The following ATP12A variants were observed in gnomAD, a reference collection of about 807,000 sequenced individuals.
ATP12A encodes potassium-transporting ATPase alpha chain 2.
ATP12A carries 81 observed loss-of-function variants against 111.2 expected under a neutral mutation model. That is an observed-to-expected ratio of 0.73 (90% CI 0.61 to 0.88). The LOEUF is 0.88. ATP12A is among the 40% of genes least tolerant of loss of function. ATP12A has a pLI of 0.00. For missense variants in ATP12A, 1,196 were observed against 1,313.1 expected, an observed-to-expected ratio of 0.91 and a Z score of 1.38; for synonymous variants, 498 against 499.8, an observed-to-expected ratio of 1.00 and a Z score of 0.05.
intron 7 of ATP12A, 74 bp downstream of exon 7, chr13:24,690,795 T>C (rs1874860787): frequency 1.3e-6 from 2 of 1,482,238 alleles, no homozygotes; most frequent in Admixed American, 3.8e-5. Context: ...AGGTCTGTCC[T>C]TTGCCACACC....
intron 11 of ATP12A, among the ~76,000 whole-genome samples, chr13:24,695,463 G>A (rs1201280403): frequency 2.6e-5 from 4 of 152,152 alleles, no homozygotes; most frequent in Non-Finnish European, 5.9e-5. Flanking sequence ...TTTCCACAGA[G>A]CCCACACTGG....
rs1874640924 is a variant in ATP12A at position 24,685,688 on chromosome 13, G to A, written c.228+315G>A. 6.6e-6 allele frequency among the ~76,000 whole-genome samples: 1 copy of A among 152,192 alleles called. No individual in the cohort carries two copies. Among genetic ancestry groups the A allele is most frequent in the African/African-American group, 2.4e-5 (1 of 41,440 alleles). On this transcript the variant is annotated intron_variant, in intron 3 of 22. Transcript: ENST00000381946. The surrounding 1 kb of genome is among the most constrained non-coding windows in gnomAD (Gnocchi z 5.5). ...CCTGAGATTCACTCTATCCCCCTGG[G>A]ATGGCTACAAGAAGTAGAAACGCTA... is the stretch of plus-strand genomic sequence containing the variant.
chr13:24,684,697 G>T (rs1874605453), intron 2 of ATP12A, among the ~76,000 whole-genome samples: 1 of 152,224 alleles, frequency 6.6e-6, no homozygotes, highest in African/African-American at 2.4e-5. Context: ...CAGGGCCACG[G>T]GTGAGAAACC....
chr13:24,681,758 G>A, intron 2 of ATP12A, 38 bp downstream of exon 2: 1 of 1,611,922 alleles, frequency 6.2e-7, no homozygotes, highest in Admixed American at 1.7e-5. Flanking sequence ...GCCGGCTATG[G>A]CCCTTCCCCG....
chr13:24,711,762 A>G lies in ATP12A; in HGVS notation c.*240A>G, dbSNP rs1405281900. The stretch of plus-strand genomic sequence containing the variant: ...CATCTCCTCATTAAAAAATACGTAC[A>G]TTTCGAGGTAATGGTATAGGGAAGA... On this transcript the variant is annotated 3_prime_UTR_variant, in exon 23 of 23. Transcript: ENST00000381946. The G allele has an allele frequency of 1.7e-6, 1 of 584,228 alleles. No individual in the cohort carries two copies. The highest frequency in any genetic ancestry group is 3.0e-6 in the Non-Finnish European group (1 of 329,790). 36.2% of individuals were successfully genotyped at this position (584,228 alleles called of 1,614,324 possible). A position where few individuals can be genotyped will look rare whatever the true frequency, so the allele number is the denominator to read the frequency against.
At chr13:24,690,742 A>G in intron 7 of ATP12A, 21 bp downstream of exon 7, 1 of 1,595,430 alleles carries the variant, frequency 6.3e-7, no homozygotes, top group Non-Finnish European at 8.6e-7. Context: ...TCTGGCTCTC[A>G]GCCCACATGT....
intron 7 of ATP12A, 70 bp downstream of exon 7, chr13:24,690,791 G>C: frequency 1.3e-6 from 2 of 1,494,774 alleles, no homozygotes; most frequent in Non-Finnish European, 1.8e-6. Flanking sequence ...TCTCAGGTCT[G>C]TCCTTTGCCA....
intron 2 of ATP12A, among the ~76,000 whole-genome samples, chr13:24,684,874 G>A (rs542732116): frequency 2.0e-5 from 3 of 152,308 alleles, no homozygotes; most frequent in Non-Finnish European, 2.9e-5. Context: ...CCCACACAGC[G>A]AAGGAGGAGG....
At position 24,692,496 on chromosome 13, in the gene ATP12A, T is replaced by G. The variant is rs1263229704; in HGVS notation, c.1136T>G (p.Val379Gly). ...KNCLVKNLEA[V>G]ETLGSTSIIC... ...TGCCTGGTGAAGAACCTGGAGGCTG[T>G]GGAGACCCTCGGCTCCACCTCCATC... is the stretch of plus-strand genomic sequence containing the variant. Residue 379 changes from valine to glycine, a missense_variant, in exon 9 of 23, where the codon GTG becomes GGG. By Grantham distance (109) the Val-to-Gly change is moderately radical. Around this residue, in one of 3 missense-constraint regions of ATP12A, gnomAD observed 1,126 missense variants for 1,228.5 expected, o/e 0.92. Coordinates refer to ENST00000381946, the MANE Select transcript of ATP12A (RefSeq NM_001676.7). 6.2e-7 allele frequency: 1 copy of G among 1,614,212 alleles called. No homozygotes were observed. Among genetic ancestry groups the G allele is most frequent in the Non-Finnish European group, 8.5e-7 (1 of 1,180,038 alleles).
At position 24,685,499 on chromosome 13, in the gene ATP12A, T is replaced by G. The variant is rs1187721653; in HGVS notation, c.228+126T>G. The G allele has an allele frequency of 2.3e-6, 2 of 864,788 alleles. No homozygotes were observed. Among genetic ancestry groups the G allele is most frequent in the Non-Finnish European group, 3.8e-6 (2 of 523,110 alleles). The allele number at this position is 864,788 out of a possible 1,614,324, so 53.6% of individuals were successfully genotyped here. Reference sequence around the variant, plus strand: ...TAGGAGGAGGGGCCCCTGCAGCGCCTTTGAGACTGCAGTTATTTGCATCTG... The same window carrying G: ...TAGGAGGAGGGGCCCCTGCAGCGCCGTTGAGACTGCAGTTATTTGCATCTG... On this transcript the variant is annotated intron_variant, in intron 3 of 22. Transcript: ENST00000381946. This position sits in a 1 kb window ranked among gnomAD's most constrained non-coding sequence, Gnocchi z 5.5.
chr13:24,683,223 G>A (rs185366227), intron 2 of ATP12A, among the ~76,000 whole-genome samples: 1 of 152,280 alleles, frequency 6.6e-6, no homozygotes, highest in East Asian at 1.9e-4. Flanking sequence ...TTCCCAAAGT[G>A]CTGGGATTAC....
At position 24,707,297 on chromosome 13, in the gene ATP12A, A is replaced by T; in HGVS notation, c.2357A>T (p.Asn786Ile). 1 of 1,614,108 alleles carries T rather than the reference A, an allele frequency of 6.2e-7. No individual in the cohort carries two copies. The part of the protein sequence containing the change: ...GVEEGRLIFD[N>I]LKKTIAYSLT... ...TGCCTAGGTCGCCTGATCTTTGACA[A>T]CCTCAAGAAGACTATTGCTTATTCC... The change falls in exon 17 of 23, where the codon AAC becomes ATC. Residue 786 changes from asparagine (N) to isoleucine (I), a missense_variant. Coordinates refer to ENST00000381946, the MANE Select transcript of ATP12A (RefSeq NM_001676.7).
intron 5 of ATP12A, among the ~76,000 whole-genome samples, chr13:24,690,044 G>A (rs567883215): frequency 5.9e-5 from 9 of 152,134 alleles, no homozygotes; most frequent in African/African-American, 1.2e-4. Context: ...GGCCAACAGC[G>A]ACTCTTCTGT....
chr13:24,710,723 T>C, intron 20 of ATP12A, 69 bp from the exon 21 acceptor site: 1 of 1,599,296 alleles, frequency 6.3e-7, no homozygotes, highest in East Asian at 2.2e-5. Flanking sequence ...TCTGGTGGCA[T>C]GGTCTGCTGG....
intron 1 of ATP12A, among the ~76,000 whole-genome samples, chr13:24,681,360 T>C (rs928868232): frequency 6.6e-6 from 1 of 152,054 alleles, no homozygotes; most frequent in African/African-American, 2.4e-5. Flanking sequence ...GCCTCCCCTC[T>C]ACACGGACGG....
intron 2 of ATP12A, among the ~76,000 whole-genome samples, chr13:24,684,031 A>G (rs1191114233): frequency 6.6e-6 from 1 of 152,126 alleles, no homozygotes; most frequent in African/African-American, 2.4e-5. Flanking sequence ...AGTGCTGGCC[A>G]GCAGAGGGCA....
chr13:24,709,905 C>T (rs1431027299), intron 19 of ATP12A, 77 bp downstream of exon 19: 30 of 1,563,444 alleles, frequency 1.9e-5, no homozygotes, highest in Non-Finnish European at 2.6e-5. Flanking sequence ...TTACATAGAA[C>T]CTCCATGTCC....
intron 2 of ATP12A, among the ~76,000 whole-genome samples, chr13:24,682,087 GGTGTGTGTGAT>G (rs1454049232): frequency 6.4e-4 from 71 of 111,746 alleles, no homozygotes; most frequent in African/African-American, 2.2e-3. Context: ...GTGTATGTGT[GGTGTGTGTGAT>G]GTGTGTGTGA....
At chr13:24,708,526 G>C (rs1875767189) in intron 17 of ATP12A, among the ~76,000 whole-genome samples, 1 of 152,088 alleles carries the variant, frequency 6.6e-6, no homozygotes, top group South Asian at 2.1e-4. Context: ...ACATTTGCCT[G>C]CTTTGCTCTG....
Sources: allele counts gnomAD v4.1 joint callset (sites outside exome capture counted in the v4.1 genomes callset), GRCh38; gene constraint gnomAD v4.1.1; regional missense constraint gnomAD v4.1.1; non-coding constraint Gnocchi (gnomAD v3.1); transcripts MANE v1.5; gene names NCBI Gene and HGNC (gene_info 2026-07-23, HGNC 2026-07-21).